The following CD99 variants were observed in gnomAD, a reference collection of about 807,000 sequenced individuals.
The protein encoded by CD99 is CD99 antigen.
CD99 carries 19 observed loss-of-function variants against 28.4 expected under a neutral mutation model. The observed-to-expected ratio is 0.67, with a 90% CI of 0.47 to 0.98. The LOEUF is 0.98. Among genes scored for constraint, CD99 ranks in the 50% least tolerant of loss-of-function variants. The probability of loss-of-function intolerance (pLI) is 0.00; values close to 1 mark genes in which losing one functional copy is unlikely to be tolerated. For synonymous variants in CD99, 103 were observed against 92.1 expected (o/e 1.12, Z -0.67); for missense variants, 283 against 248.8 (o/e 1.14, Z -0.92).
rs749476504 is a variant in CD99, at chrX:2,730,359, A to G, written c.475+3986A>G. Among the ~76,000 whole-genome samples, 4 of 152,148 alleles carry G rather than the reference A, an allele frequency of 2.6e-5. No individual in the cohort carries two copies. In the South Asian group the frequency reaches 6.2e-4, roughly 24 times the overall value. On this transcript the variant is annotated intron_variant, in intron 8 of 9. Coordinates refer to ENST00000381192, the MANE Select transcript of CD99 (RefSeq NM_002414.5). ...AGCTAATTTTTCATATTTTTAGTAG[A>G]GACGGAGTTTTGCCGTGTTAGCCAG...
chrX:2,714,752 G>A, intron 2 of CD99: 2 of 313,656 alleles, frequency 6.4e-6, no homozygotes. Context: ...ATGATGCCGA[G>A]AGTCTGGCTT....
rs747433096 is a variant in CD99, at chrX:2,691,446, C to T, written c.67+19C>T. On this transcript the variant is annotated intron_variant, in intron 1 of 9. Transcript: ENST00000381192. ...GCCCCGGGTGAGCGAGCGGAGGGAT[C>T]CGGGTTGGGGGACGCGGAGGGCGCG... is the stretch of plus-strand genomic sequence containing the variant. The T allele has an allele frequency of 1.9e-6, 3 of 1,578,414 alleles. No individual in the cohort carries two copies. Among genetic ancestry groups the T allele is most frequent in the Non-Finnish European group, 2.6e-6 (3 of 1,171,280 alleles).
chrX:2,737,775 C>T (rs1467377763), intron 8 of CD99: 7 of 340,730 alleles, frequency 2.1e-5, no homozygotes, highest in South Asian at 7.3e-5. Flanking sequence ...GGATTACAGG[C>T]GTGAGTCACC....
intron 3 of CD99, 168 bp from the exon 4 acceptor site, chrX:2,719,493 T>A: frequency 2.9e-6 from 2 of 685,016 alleles, no homozygotes; most frequent in Non-Finnish European, 5.3e-6. Context: ...AATAGTGATG[T>A]AAAAATGGTC....
At chrX:2,692,002 G>T in intron 1 of CD99, 2 of 735,496 alleles carry the variant, frequency 2.7e-6, no homozygotes, top group Non-Finnish European at 5.1e-6. Flanking sequence ...TTCAGCGCGT[G>T]CTGTGCGCCA....
intron 1 of CD99, among the ~76,000 whole-genome samples, chrX:2,699,747 G>A (rs959285368): frequency 6.6e-6 from 1 of 152,168 alleles, no homozygotes; most frequent in African/African-American, 2.4e-5. Flanking sequence ...GGGAGCCACT[G>A]CATCCCGCTA....
chrX:2,738,875 TCTCA>T (rs2050072644), intron 9 of CD99, among the ~76,000 whole-genome samples: 2 of 151,452 alleles, frequency 1.3e-5, no homozygotes, highest in Admixed American at 1.3e-4. Context: ...AGAGATAGGG[TCTCA>T]CTCTGTCGCC....
chrX:2,730,811 A>G (rs139277480), intron 8 of CD99, among the ~76,000 whole-genome samples: 1,773 of 152,026 alleles, frequency 0.012, 41 homozygotes, highest in African/African-American at 0.041. Context: ...CACCTGTAAT[A>G]TCCCAGCTAC....
At chrX:2,733,345 C>T in intron 8 of CD99, 2 of 1,582,396 alleles carry the variant, frequency 1.3e-6, no homozygotes, top group Non-Finnish European at 1.7e-6. Flanking sequence ...CGTTTTCAAC[C>T]TTCCATTTCA....
At chrX:2,712,715 A>G (rs2048471948) in intron 1 of CD99, among the ~76,000 whole-genome samples, 1 of 152,088 alleles carries the variant, frequency 6.6e-6, no homozygotes, top group Non-Finnish European at 1.5e-5. Flanking sequence ...AGCTGTTCCG[A>G]GCGTTTTGTC....
intron 1 of CD99, among the ~76,000 whole-genome samples, chrX:2,704,442 CT>C (rs986485177): frequency 1.3e-5 from 2 of 151,158 alleles, no homozygotes; most frequent in African/African-American, 2.4e-5. Flanking sequence ...TCTTTTCTTT[CT>C]TTTTTTTTGA....
chrX:2,726,819 T>C (rs1250777750), intron 8 of CD99, among the ~76,000 whole-genome samples: 1 of 140,968 alleles, frequency 7.1e-6, no homozygotes, highest in Non-Finnish European at 1.5e-5. Context: ...CACGGTCCTT[T>C]CTCCACTGAG....
chrX:2,718,349 G>A (rs1034416030), intron 3 of CD99, among the ~76,000 whole-genome samples: 1 of 151,218 alleles, frequency 6.6e-6, no homozygotes, highest in African/African-American at 2.4e-5. Flanking sequence ...TTTGTTCTCA[G>A]TGCTTGCTGT....
chrX:2,693,947 C>A (rs144950499), intron 1 of CD99, among the ~76,000 whole-genome samples: 2 of 152,130 alleles, frequency 1.3e-5, no homozygotes, highest in African/African-American at 4.8e-5. Context: ...TTTCAAGGGC[C>A]AGGACGGCCT....
intron 8 of CD99, among the ~76,000 whole-genome samples, chrX:2,729,136 T>G (rs990736021): frequency 6.6e-6 from 1 of 152,192 alleles, no homozygotes; most frequent in Non-Finnish European, 1.5e-5. Context: ...GCACCCGGCC[T>G]CTTTTTTAGA....
intron 8 of CD99, among the ~76,000 whole-genome samples, chrX:2,730,175 C>CT (rs58977521): frequency 6.0e-4 from 84 of 139,648 alleles, no homozygotes; most frequent in Admixed American, 3.9e-3. Flanking sequence ...ATAAAAATAC[C>CT]TTTTTTTTTT....
intron 8 of CD99, among the ~76,000 whole-genome samples, chrX:2,728,780 G>A (rs774729377): frequency 1.2e-3 from 182 of 148,462 alleles, no homozygotes; most frequent in Admixed American, 3.8e-3. Flanking sequence ...AGGAAGGCTT[G>A]TTTGCCAGGA....
intron 1 of CD99, among the ~76,000 whole-genome samples, chrX:2,697,406 A>G (rs1215976715): frequency 6.6e-6 from 1 of 152,162 alleles, no homozygotes; most frequent in Non-Finnish European, 1.5e-5. Flanking sequence ...TTGAGCTAAC[A>G]GCCCTTCTTG....
At chrX:2,737,052 G>C (rs1297536675) in intron 8 of CD99, among the ~76,000 whole-genome samples, 1 of 151,974 alleles carries the variant, frequency 6.6e-6, no homozygotes, top group South Asian at 2.1e-4. Flanking sequence ...GGAGGTAGAA[G>C]GGGGGACAGG....
Sources: gnomAD v4.1 joint callset for allele counts (sites outside exome capture counted in the v4.1 genomes callset) on GRCh38, gnomAD v4.1.1 for gene constraint, MANE v1.5 for transcripts, NCBI Gene and HGNC (gene_info 2026-07-23, HGNC 2026-07-21) for gene names.